The following MGAT4C variants were observed in gnomAD, a reference collection of about 807,000 sequenced individuals.
MGAT4C encodes alpha-1,3-mannosyl-glycoprotein 4-beta-N-acetylglucosaminyltransferase C.
MGAT4C carries 19 observed loss-of-function variants against 40.1 expected under a neutral mutation model. That is an observed-to-expected ratio of 0.47 (90% CI 0.33 to 0.70). MGAT4C has a LOEUF of 0.70. Among genes scored for constraint, MGAT4C ranks in the 30% least tolerant of loss-of-function variants. The pLI is 0.02. For synonymous variants in MGAT4C, 181 were observed against 187.1 expected (o/e 0.97, Z 0.27); for missense variants, 491 against 563.2 (o/e 0.87, Z 1.30).
chr12:86,756,259 CAG>C (rs903932627), intron 1 of MGAT4C, among the ~76,000 whole-genome samples: 1 of 152,028 alleles, frequency 6.6e-6, no homozygotes, highest in Non-Finnish European at 1.5e-5. Flanking sequence ...TGAGTTCATA[CAG>C]AGAGAGAGCA....
intron 2 of MGAT4C, among the ~76,000 whole-genome samples, chr12:86,501,401 C>T (rs375510289): frequency 3.3e-5 from 5 of 151,948 alleles, no homozygotes; most frequent in African/African-American, 9.7e-5. Flanking sequence ...CAGTTAAACG[C>T]GTACCATGGT....
At chr12:86,670,542 T>C (rs1964228572) in intron 2 of MGAT4C, among the ~76,000 whole-genome samples, 1 of 151,836 alleles carries the variant, frequency 6.6e-6, no homozygotes, top group African/African-American at 2.4e-5. Context: ...AAAAAAAGAA[T>C]TAAAAAAAAT....
chr12:86,339,583 T>C (rs1216493490), intron 3 of MGAT4C, among the ~76,000 whole-genome samples: 1 of 152,186 alleles, frequency 6.6e-6, no homozygotes, highest in Non-Finnish European at 1.5e-5. Flanking sequence ...TATAAAAATA[T>C]GTTTTCTTAC....
chr12:85,987,514 C>A (rs1266757183), intron 3 of MGAT4C, among the ~76,000 whole-genome samples: 1 of 152,064 alleles, frequency 6.6e-6, no homozygotes, highest in Non-Finnish European at 1.5e-5. Context: ...AGATATATTC[C>A]TAATATAATC....
At chr12:86,272,920 A>C (rs1188755779) in intron 4 of MGAT4C, among the ~76,000 whole-genome samples, 1 of 152,170 alleles carries the variant, frequency 6.6e-6, no homozygotes, top group Non-Finnish European at 1.5e-5. Flanking sequence ...CGGACAAAGG[A>C]CCTGATGTTA....
chr12:86,625,044 T>A (rs1962759161), intron 2 of MGAT4C, among the ~76,000 whole-genome samples: 1 of 151,862 alleles, frequency 6.6e-6, no homozygotes, highest in Non-Finnish European at 1.5e-5. Flanking sequence ...AGTGAGTGAG[T>A]TCTCATGAGA....
intron 2 of MGAT4C, among the ~76,000 whole-genome samples, chr12:86,553,668 C>G (rs1198563808): frequency 6.6e-6 from 1 of 152,132 alleles, no homozygotes; most frequent in Non-Finnish European, 1.5e-5. Flanking sequence ...TGCTTGAACA[C>G]ATGACTACAC....
At chr12:86,248,959 G>C (rs1358321075) in intron 1 of MGAT4C, among the ~76,000 whole-genome samples, 3 of 151,998 alleles carry the variant, frequency 2.0e-5, no homozygotes, top group Non-Finnish European at 4.4e-5. Context: ...TAAATCACAT[G>C]CCACTTGAGA....
intron 4 of MGAT4C, among the ~76,000 whole-genome samples, chr12:86,292,166 A>G (rs1592655653): frequency 6.6e-6 from 1 of 152,138 alleles, no homozygotes; most frequent in Non-Finnish European, 1.5e-5. Context: ...AGCCACTGAG[A>G]TTTCTGGATG....
At chr12:86,275,453 G>T (rs1953051595) in intron 4 of MGAT4C, among the ~76,000 whole-genome samples, 1 of 152,152 alleles carries the variant, frequency 6.6e-6, no homozygotes, top group Admixed American at 6.5e-5. Flanking sequence ...AGCTGTTGTA[G>T]TTGGATAATG....
chr12:86,207,479 T>TC (rs1391058085), intron 1 of MGAT4C, among the ~76,000 whole-genome samples: 1 of 151,910 alleles, frequency 6.6e-6, no homozygotes, highest in East Asian at 1.9e-4. Flanking sequence ...TGTGATGTTC[T>TC]CCTCCCTGTG....
chr12:86,756,925 A>T lies in MGAT4C; in HGVS notation c.-261-29684T>A, dbSNP rs111784588. Among the ~76,000 whole-genome samples, 1,483 of 152,274 alleles carry T rather than the reference A, an allele frequency of 9.7e-3. 11 individuals are homozygous for T. The highest frequency in any genetic ancestry group is 0.017 in the Middle Eastern group (5 of 294). ...ATTACTTTGCTTCAAATGTATAACAAAATCATAATAAGCCTTTCTCAAATC... is the reference window on the plus strand; with the variant it reads ...ATTACTTTGCTTCAAATGTATAACATAATCATAATAAGCCTTTCTCAAATC... On this transcript the variant is annotated intron_variant, in intron 1 of 7. Transcript: ENST00000548651.
rs71076172 is a variant in MGAT4C, at chr12:86,212,891, C to CAAAAA, written c.-57+43343_-57+43347dup. Among the ~76,000 whole-genome samples the CAAAAA allele has an allele frequency of 7.8e-3, 176 of 22,518 alleles. 19 individuals are homozygous for CAAAAA. Among genetic ancestry groups the CAAAAA allele is most frequent in the African/African-American group, 0.019 (103 of 5,300 alleles). 14.8% of individuals were successfully genotyped at this position (22,518 alleles called of 152,430 possible). A position where few individuals can be genotyped will look rare whatever the true frequency, so the allele number is the denominator to read the frequency against. On this transcript the variant is annotated intron_variant, in intron 1 of 4. Transcript: ENST00000611864. The stretch of plus-strand genomic sequence containing the variant: ...TGGGCGACAGAGCGAGACTCCGTCT[C>CAAAAA]AAAAAAAAAAAAAAAAAAAAAAAAA...
At chr12:86,356,533 A>G (rs888575223) in intron 3 of MGAT4C, among the ~76,000 whole-genome samples, 1 of 152,160 alleles carries the variant, frequency 6.6e-6, no homozygotes, top group Non-Finnish European at 1.5e-5. Flanking sequence ...ATCACTTCAC[A>G]TGGGAAGCAC....
intron 2 of MGAT4C, among the ~76,000 whole-genome samples, chr12:86,705,599 T>A (rs1400864345): frequency 1.3e-5 from 2 of 152,068 alleles, no homozygotes; most frequent in Non-Finnish European, 2.9e-5. Flanking sequence ...CAAATGTGCC[T>A]AAATAAAAAT....
intron 2 of MGAT4C, among the ~76,000 whole-genome samples, chr12:86,689,820 C>T (rs1950143370): frequency 6.6e-6 from 1 of 152,188 alleles, no homozygotes. Flanking sequence ...GGCAGTCTGT[C>T]CCATAGCAGA....
chr12:86,710,524 C>CTCATTGTGG (rs1032448092), intron 2 of MGAT4C, among the ~76,000 whole-genome samples: 1 of 152,130 alleles, frequency 6.6e-6, no homozygotes, highest in African/African-American at 2.4e-5. Context: ...AAGGTGGCAT[C>CTCATTGTGG]TCATTGTGGA....
chr12:86,222,186 C>G (rs1258357747), intron 1 of MGAT4C, among the ~76,000 whole-genome samples: 1 of 152,146 alleles, frequency 6.6e-6, no homozygotes, highest in African/African-American at 2.4e-5. Context: ...TCTTTCAAAT[C>G]AGAATCAGCT....
chr12:86,610,856 C>T (rs1282946773), intron 2 of MGAT4C, among the ~76,000 whole-genome samples: 1 of 151,548 alleles, frequency 6.6e-6, no homozygotes. Context: ...CTTCAGACCA[C>T]AATGCAGGTC....
Sources: gnomAD v4.1 joint callset for allele counts (sites outside exome capture counted in the v4.1 genomes callset) on GRCh38, gnomAD v4.1.1 for gene constraint, MANE v1.5 for transcripts, NCBI Gene and HGNC (gene_info 2026-07-23, HGNC 2026-07-21) for gene names.